The following HEMGN variants were observed in gnomAD, a reference collection of about 807,000 sequenced individuals.
HEMGN encodes the protein erythroid differentiation-associated gene protein.
In HEMGN, 32 loss-of-function variants were observed where a neutral mutation model predicts 45.7. The observed-to-expected ratio is 0.70, with a 90% CI of 0.53 to 0.94. HEMGN has a LOEUF of 0.94. HEMGN is among the 40% of genes least tolerant of loss of function. The pLI is 0.00. For synonymous variants in HEMGN, 183 were observed against 178.6 expected, an observed-to-expected ratio of 1.02 and a Z score of -0.20; for missense variants, 530 against 564.2, an observed-to-expected ratio of 0.94 and a Z score of 0.61.
At chr9:97,929,991 T>C (rs1281798108) in intron 3 of HEMGN, 44 bp downstream of exon 3, 1 of 1,409,914 alleles carries the variant, frequency 7.1e-7, no homozygotes, top group Admixed American at 1.9e-5. Flanking sequence ...AAATCACTAC[T>C]CTGGGGGAGA....
chr9:97,939,328 G>A (rs1827118333), upstream of HEMGN, among the ~76,000 whole-genome samples: 1 of 152,080 alleles, frequency 6.6e-6, no homozygotes, highest in Non-Finnish European at 1.5e-5. Flanking sequence ...TATTGAACTT[G>A]GTCAGTAAAT....
upstream of HEMGN, among the ~76,000 whole-genome samples, chr9:97,941,471 G>C (rs1827152170): frequency 6.6e-6 from 1 of 152,196 alleles, no homozygotes; most frequent in Non-Finnish European, 1.5e-5. Context: ...GTGGGACAGG[G>C]GCAGAGGAAG....
intron 1 of HEMGN, among the ~76,000 whole-genome samples, chr9:97,943,293 G>A (rs1827178108): frequency 6.6e-6 from 1 of 152,200 alleles, no homozygotes; most frequent in Non-Finnish European, 1.5e-5. Flanking sequence ...GTCATGGAAG[G>A]GAACACAATG....
Position 97,930,761 on chromosome 9 carries a change from G to A in HEMGN, c.634C>T (p.Gln212Ter), listed in dbSNP as rs747543860. The part of the protein sequence containing the change: ...PNTCQVISVI[Q>*]DHPFKMYQDM... ...TGGTACATTTTGAAAGGATGGTCTT[G>A]AATTACAGATATTACTTGGCATGTG... is the stretch of plus-strand genomic sequence containing the variant. Residue 212 changes from glutamine to a stop codon, truncating the protein, a stop_gained, in exon 3 of 4, where the codon CAA (glutamine) becomes TAA (stop). Transcript: ENST00000616898. LOFTEE classifies it high-confidence loss of function. 6.2e-7 allele frequency: 1 copy of A among 1,614,100 alleles called. No homozygotes were observed. Among genetic ancestry groups the A allele is most frequent in the Non-Finnish European group, 8.5e-7 (1 of 1,179,960 alleles).
chr9:97,931,861 A>T (rs1189461671), intron 2 of HEMGN, among the ~76,000 whole-genome samples: 2 of 152,242 alleles, frequency 1.3e-5, no homozygotes, highest in African/African-American at 4.8e-5. Flanking sequence ...TGGCCATATT[A>T]TACCTATTCC....
chr9:97,934,530 G>A (rs993360858), intron 2 of HEMGN, among the ~76,000 whole-genome samples: 8 of 151,810 alleles, frequency 5.3e-5, no homozygotes, highest in Admixed American at 3.9e-4. Flanking sequence ...AAGTACTTGG[G>A]AAGCCAAGTA....
At position 97,930,757 on chromosome 9, in the gene HEMGN, T is replaced by C. The variant is rs780671478; in HGVS notation, c.638A>G (p.Asp213Gly). The C allele has an allele frequency of 3.4e-5, 55 of 1,614,130 alleles. No homozygotes were observed. The highest frequency in any genetic ancestry group is 4.7e-5 in the Non-Finnish European group (55 of 1,179,978). Residue 213 changes from aspartate to glycine, a missense_variant, in exon 3 of 4, where the codon GAC becomes GGC. Transcript: ENST00000616898. ...NTCQVISVIQ[D>G]HPFKMYQDMA... is the part of the protein sequence containing the mutation. ...ATCTTGGTACATTTTGAAAGGATGG[T>C]CTTGAATTACAGATATTACTTGGCA... is the stretch of plus-strand genomic sequence containing the variant.
upstream of HEMGN, among the ~76,000 whole-genome samples, chr9:97,939,747 C>A (rs541791905): frequency 1.3e-5 from 2 of 152,190 alleles, no homozygotes; most frequent in South Asian, 4.1e-4. Context: ...TAACAAACAC[C>A]CAAGTATCTG....
intron 2 of HEMGN, among the ~76,000 whole-genome samples, chr9:97,931,698 G>A (rs1826957021): frequency 6.6e-6 from 1 of 152,174 alleles, no homozygotes; most frequent in East Asian, 1.9e-4. Flanking sequence ...GCAGCCTGCA[G>A]GTGGATGCTG....
chr9:97,942,309 G>T (rs1048916878), upstream of HEMGN, among the ~76,000 whole-genome samples: 1 of 145,152 alleles, frequency 6.9e-6, no homozygotes, highest in African/African-American at 2.5e-5. Context: ...TTGAGATGGG[G>T]TCTCACTCTG....
At chr9:97,936,849 A>C (rs2131556802) in intron 1 of HEMGN, among the ~76,000 whole-genome samples, 1 of 152,358 alleles carries the variant, frequency 6.6e-6, no homozygotes, top group East Asian at 1.9e-4. Flanking sequence ...ATATCAAATT[A>C]TAATAAGCAT....
At position 97,930,062 on chromosome 9, in the gene HEMGN, C is replaced by G; in HGVS notation, c.1333G>C (p.Ala445Pro). ...GQDPKAHQED[A>P]KDAYTFPQEM... ...TGAGGAAAAGTATAAGCATCTTTAG[C>G]ATCTTCCTGGTGTGCTTTAGGATCC... The change falls in exon 3 of 4, where the codon GCT becomes CCT. Residue 445 changes from alanine to proline, a missense_variant. Ala to Pro is a conservative substitution (Grantham distance 27). Transcript: ENST00000616898. The G allele has an allele frequency of 1.2e-6, 2 of 1,613,786 alleles. No homozygotes were observed. The highest frequency in any genetic ancestry group is 1.7e-6 in the Non-Finnish European group (2 of 1,179,944).
rs372928468 is a variant in HEMGN, at chr9:97,935,684, C to G, written c.173+487G>C. ...TGTACCCCCTTCCTGCATTTACATA[C>G]AGGTGAACATACAGGTTATCTAAAC... On this transcript the variant is annotated intron_variant, in intron 2 of 3. Coordinates refer to ENST00000616898, the MANE Select transcript of HEMGN (RefSeq NM_197978.3). Among the ~76,000 whole-genome samples the G allele has an allele frequency of 2.0e-5, 3 of 152,330 alleles. No homozygotes were observed. The South Asian group carries it at 6.2e-4, about 32-fold the overall frequency.
chr9:97,928,316 G>A (rs1253645260), intron 3 of HEMGN, among the ~76,000 whole-genome samples: 8 of 152,154 alleles, frequency 5.3e-5, no homozygotes, highest in African/African-American at 1.7e-4. Context: ...GTGAGCCACC[G>A]CGCCCGGCCG....
At chr9:97,938,270 G>A (rs1463065628), upstream of HEMGN, 11 of 641,704 alleles carry the variant, frequency 1.7e-5, no homozygotes, top group South Asian at 5.6e-5. Flanking sequence ...TTGACTTCCC[G>A]CCTAAAAGTT....
In HEMGN at chr9:97,938,169, G is replaced by A. The variant is rs763407154; in HGVS notation, c.-33C>T. 9 of 1,432,966 alleles carry A rather than the reference G, an allele frequency of 6.3e-6. No individual in the cohort carries two copies. The highest frequency in any genetic ancestry group is 7.8e-6 in the Non-Finnish European group (8 of 1,022,984). The allele number at this position is 1,432,966 out of a possible 1,614,324, so 88.8% of individuals were successfully genotyped here. The stretch of plus-strand genomic sequence containing the variant: ...CAATACCTTCCTGCTATTTTGGTCT[G>A]ACTTCCACAAGCAGCCTAGATGCTT... On this transcript the variant is annotated 5_prime_UTR_variant, in exon 1 of 4. Coordinates refer to ENST00000616898, the MANE Select transcript of HEMGN (RefSeq NM_197978.3).
Position 97,927,286 on chromosome 9 carries a change from A to G in HEMGN, c.*98T>C. 1.5e-6 allele frequency: 1 copy of G among 685,416 alleles called. No individual in the cohort carries two copies. The highest frequency in any genetic ancestry group is 3.2e-4 in the Middle Eastern group (1 of 3,170). 42.5% of individuals were successfully genotyped at this position (685,416 alleles called of 1,614,324 possible). ...TCTACAAATAGAAAAAATAATATTA[A>G]TGAGCATTGTCAAAAGTTTTACAAT... On this transcript the variant is annotated 3_prime_UTR_variant, in exon 4 of 4. Transcript: ENST00000616898.
intron 3 of HEMGN, among the ~76,000 whole-genome samples, chr9:97,929,594 T>C (rs951307763): frequency 6.8e-6 from 1 of 148,002 alleles, no homozygotes; most frequent in African/African-American, 2.4e-5. Flanking sequence ...AATTCCCTAG[T>C]AACAGGATTA....
At position 97,936,243 on chromosome 9, in the gene HEMGN, A is replaced by T. The variant is rs772280001; in HGVS notation, c.101T>A (p.Leu34Ter). 1.5e-5 allele frequency: 24 copies of T among 1,610,932 alleles called. No individual in the cohort carries two copies. Among genetic ancestry groups the T allele is most frequent in the Non-Finnish European group, 2.0e-5 (24 of 1,178,146 alleles). Residue 34 changes from leucine (L) to a stop codon, truncating the protein, a stop_gained, in exon 2 of 4, where the codon TTG becomes TAG. Coordinates refer to ENST00000616898, the MANE Select transcript of HEMGN (RefSeq NM_197978.3). LOFTEE classifies it high-confidence loss of function. Reference protein sequence around the residue: ...HSPEVIGTWSLRNRELLRKRK... With the variant: ...HSPEVIGTWS ...TTTTCTAAGTAGTTCTCTGTTTCTCAAACTCCAGGTTCCAATGACTTCTGT... is the reference window on the plus strand; with the variant it reads ...TTTTCTAAGTAGTTCTCTGTTTCTCTAACTCCAGGTTCCAATGACTTCTGT...
Sources: gnomAD v4.1 joint callset for allele counts (sites outside exome capture counted in the v4.1 genomes callset) on GRCh38, gnomAD v4.1.1 for gene constraint, MANE v1.5 for transcripts, NCBI Gene and HGNC (gene_info 2026-07-23, HGNC 2026-07-21) for gene names.